The following MAPK10 variants were observed in gnomAD, a reference collection of about 807,000 sequenced individuals.
MAPK10 encodes mitogen-activated protein kinase 10.
A neutral mutation model predicts 59.3 loss-of-function variants in MAPK10; 25 were observed. That is an observed-to-expected ratio of 0.42 (90% CI 0.31 to 0.59). MAPK10 has a LOEUF of 0.59. MAPK10 is among the 20% of genes least tolerant of loss of function. The pLI, the probability that MAPK10 is intolerant of heterozygous loss-of-function variation, is 0.15. For missense variants in MAPK10, 351 were observed against 568.9 expected (o/e 0.62, Z 3.90); for synonymous variants, 190 against 200.5 (o/e 0.95, Z 0.44).
rs146389975 is a variant in MAPK10, at chr4:86,398,470, G to T, written c.-121-43826C>A. ...CAGGCTGCTAGTAAATAACAGAGCT[G>T]AGACCAAACCCAAATATTATGTCTG... On this transcript the variant is annotated intron_variant, in intron 1 of 13. Transcript: ENST00000361569. Among the ~76,000 whole-genome samples the T allele has an allele frequency of 4.4e-3, 671 of 152,246 alleles. 4 individuals are homozygous for T. The highest frequency in any genetic ancestry group is 0.015 in the African/African-American group (632 of 41,530).
chr4:86,449,550 A>T (rs1750444940), intron 1 of MAPK10, among the ~76,000 whole-genome samples: 1 of 152,224 alleles, frequency 6.6e-6, no homozygotes, highest in African/African-American at 2.4e-5. Context: ...ACATGAACAG[A>T]TGATATGGTT....
intron 4 of MAPK10, among the ~76,000 whole-genome samples, chr4:86,143,839 A>T (rs992673958): frequency 2.0e-5 from 3 of 152,224 alleles, no homozygotes; most frequent in Non-Finnish European, 4.4e-5. Context: ...ATTAATACAC[A>T]TTCTTTCAAT....
chr4:86,544,691 C>T (rs1351812861), intron 1 of MAPK10, among the ~76,000 whole-genome samples: 2 of 152,096 alleles, frequency 1.3e-5, no homozygotes, highest in Non-Finnish European at 2.9e-5. Context: ...TATTTTGTTG[C>T]CAATGTGGAT....
chr4:86,251,427 T>C lies in MAPK10; in HGVS notation c.-6-57020A>G, dbSNP rs1287777138. Among the ~76,000 whole-genome samples the C allele has an allele frequency of 2.7e-4, 41 of 149,394 alleles. No homozygotes were observed. The South Asian group carries it at 7.6e-3, about 28-fold the overall frequency. On this transcript the variant is annotated intron_variant, in intron 2 of 13. Coordinates refer to ENST00000641462, the MANE Select transcript of MAPK10 (RefSeq NM_138982.4). ...ACCTATGAGTGAGAATATGCGGTGT[T>C]TGGTTTTTTGTTCTTGCGATAGTTT...
At chr4:86,527,360 A>G (rs1015316373) in intron 1 of MAPK10, among the ~76,000 whole-genome samples, 4 of 148,310 alleles carry the variant, frequency 2.7e-5, no homozygotes, top group Non-Finnish European at 1.5e-5. Flanking sequence ...GGACATGAAC[A>G]GATACTTTTC....
chr4:86,147,930 T>C (rs1219436029), intron 4 of MAPK10, among the ~76,000 whole-genome samples: 1 of 152,186 alleles, frequency 6.6e-6, no homozygotes, highest in African/African-American at 2.4e-5. Context: ...ATTTGATGTA[T>C]TACTCCTGAA....
chr4:86,385,560 A>C (rs1340600080), intron 1 of MAPK10, among the ~76,000 whole-genome samples: 1 of 152,190 alleles, frequency 6.6e-6, no homozygotes, highest in Non-Finnish European at 1.5e-5. Flanking sequence ...ATATATCTTT[A>C]ATATGAACTG....
chr4:86,378,201 A>T (rs2148998795), intron 1 of MAPK10, among the ~76,000 whole-genome samples: 1 of 152,280 alleles, frequency 6.6e-6, no homozygotes, highest in South Asian at 2.1e-4. Flanking sequence ...TAAATTCCTT[A>T]TCATAGCCTG....
chr4:86,159,637 G>A (rs943721819), intron 3 of MAPK10, among the ~76,000 whole-genome samples, 170 bp from the exon 4 acceptor site: 5 of 151,856 alleles, frequency 3.3e-5, no homozygotes, highest in Non-Finnish European at 7.4e-5. Flanking sequence ...AGATTACCTC[G>A]AGTAAAAGAG....
chr4:86,033,185 A>G (rs1418604329), intron 11 of MAPK10, among the ~76,000 whole-genome samples: 2 of 152,240 alleles, frequency 1.3e-5, no homozygotes, highest in African/African-American at 2.4e-5. Context: ...TTGTGAAACC[A>G]TTACCTAAGG....
chr4:86,479,381 G>A (rs750079501), intron 1 of MAPK10, among the ~76,000 whole-genome samples: 1 of 151,178 alleles, frequency 6.6e-6, no homozygotes, highest in Non-Finnish European at 1.5e-5. Context: ...ATGCTACAAG[G>A]TACAGCCCAT....
chr4:86,320,504 A>G (rs1233183202), intron 2 of MAPK10, among the ~76,000 whole-genome samples: 1 of 152,222 alleles, frequency 6.6e-6, no homozygotes, highest in East Asian at 1.9e-4. Context: ...AGAACTTTGG[A>G]TAATAAAGAA....
At chr4:86,586,423 C>A (rs1249217294) in intron 1 of MAPK10, among the ~76,000 whole-genome samples, 3 of 152,174 alleles carry the variant, frequency 2.0e-5, no homozygotes, top group Admixed American at 6.5e-5. Flanking sequence ...CACTCATCAT[C>A]GAAACTGGCT....
intron 2 of MAPK10, among the ~76,000 whole-genome samples, chr4:86,219,213 C>T (rs2088786987): frequency 6.6e-6 from 1 of 152,032 alleles, no homozygotes; most frequent in South Asian, 2.1e-4. Context: ...GTATTGGGGG[C>T]AGATTTCTCA....
At chr4:86,032,507 G>C (rs933343045) in intron 11 of MAPK10, 1 of 152,184 alleles carries the variant, frequency 6.6e-6, no homozygotes, top group African/African-American at 2.4e-5. Context: ...AAAACTAAAA[G>C]AGTCACTCAA....
At chr4:86,170,874 C>G (rs1241418977) in intron 3 of MAPK10, among the ~76,000 whole-genome samples, 2 of 151,096 alleles carry the variant, frequency 1.3e-5, no homozygotes, top group Non-Finnish European at 2.9e-5. Context: ...AACACACTAT[C>G]TCTCAGACCA....
In MAPK10 at chr4:86,030,012, CT is replaced by C. The variant is rs2038616519; in HGVS notation, c.1175-739del. On this transcript the variant is annotated intron_variant, in intron 12 of 13. Transcript: ENST00000641462. ...AATCATTCCGCCCTACTCATTCTTG[CT>C]TTGCAATGGCTTATAATCTGTATAA... Among the ~76,000 whole-genome samples the C allele has an allele frequency of 7.2e-5, 11 of 152,258 alleles. No homozygotes were observed. In the South Asian group the frequency reaches 2.3e-3, roughly 32 times the overall value.
At chr4:86,402,068 AG>A (rs1489511068) in intron 1 of MAPK10, among the ~76,000 whole-genome samples, 1 of 152,204 alleles carries the variant, frequency 6.6e-6, no homozygotes, top group Non-Finnish European at 1.5e-5. Context: ...GAAACAAGGA[AG>A]GTCATACCTA....
chr4:86,576,000 T>TGG (rs1761859705), intron 1 of MAPK10, among the ~76,000 whole-genome samples: 1 of 87,196 alleles, frequency 1.1e-5, no homozygotes, highest in African/African-American at 3.1e-5. Flanking sequence ...TGTGTATGCG[T>TGG]GTGTGTGTGT....
Sources: allele counts gnomAD v4.1 joint callset (sites outside exome capture counted in the v4.1 genomes callset), GRCh38; gene constraint gnomAD v4.1.1; transcripts MANE v1.5; gene names NCBI Gene and HGNC (gene_info 2026-07-23, HGNC 2026-07-21).